Variants in SAMD5 observed in about 807,000 individuals in gnomAD.
The protein encoded by SAMD5 is sterile alpha motif domain-containing protein 5.
SAMD5 carries 13 observed loss-of-function variants against 11.3 expected under a neutral mutation model. The observed-to-expected ratio is 1.15, with a 90% CI of 0.75 to 1.83. The LOEUF (loss-of-function observed/expected upper bound fraction) is 1.83. SAMD5 is among the 40% of genes most tolerant of loss of function. The pLI, the probability that SAMD5 is intolerant of heterozygous loss-of-function variation, is 0.00. For synonymous variants in SAMD5, 129 were observed against 111.3 expected, an observed-to-expected ratio of 1.16 and a Z score of -1.00; for missense variants, 255 against 239.1, an observed-to-expected ratio of 1.07 and a Z score of -0.44.
chr6:147,886,529 G>A, the SAMD5 span, among the ~76,000 whole-genome samples: 1 of 151,944 alleles, frequency 6.6e-6, no homozygotes, highest in Non-Finnish European at 1.5e-5. Flanking sequence ...AGTGTGGGTG[G>A]GACCTGTGAC....
At chr6:147,579,902 C>T (rs556181467) in intron 1 of SAMD5, among the ~76,000 whole-genome samples, 1 of 152,158 alleles carries the variant, frequency 6.6e-6, no homozygotes, top group Non-Finnish European at 1.5e-5. Context: ...CTGTGCCAGG[C>T]GCTGTTGTAA....
At chr6:147,744,817 G>C in the SAMD5 span, among the ~76,000 whole-genome samples, 1 of 152,042 alleles carries the variant, frequency 6.6e-6, no homozygotes, top group Non-Finnish European at 1.5e-5. Flanking sequence ...AGAATCACTT[G>C]AACCTGGAAG....
the SAMD5 span, among the ~76,000 whole-genome samples, chr6:147,838,067 A>G: frequency 6.6e-6 from 1 of 152,162 alleles, no homozygotes; most frequent in Non-Finnish European, 1.5e-5. Flanking sequence ...TATATTGTTA[A>G]GTGTGTGTAT....
chr6:147,641,887 C>T (rs1232473898), intron 1 of SAMD5, among the ~76,000 whole-genome samples: 1 of 152,150 alleles, frequency 6.6e-6, no homozygotes, highest in Admixed American at 6.5e-5. Flanking sequence ...ATTTTCCCCT[C>T]AATTTATTTA....
At chr6:147,822,414 A>G in the SAMD5 span, among the ~76,000 whole-genome samples, 4 of 152,242 alleles carry the variant, frequency 2.6e-5, no homozygotes, top group Non-Finnish European at 5.9e-5. Flanking sequence ...ACCTCAAAAT[A>G]TAATATTTAT....
chr6:147,917,944 T>C, the SAMD5 span, among the ~76,000 whole-genome samples: 1 of 152,238 alleles, frequency 6.6e-6, no homozygotes, highest in Admixed American at 6.5e-5. Flanking sequence ...AGTACCATGC[T>C]GTTTTGGTTA....
the SAMD5 span, among the ~76,000 whole-genome samples, chr6:147,891,967 T>A: frequency 6.6e-6 from 1 of 152,176 alleles, no homozygotes; most frequent in Non-Finnish European, 1.5e-5. Context: ...CAAGAATTTG[T>A]CAGTGGGTCA....
chr6:147,831,627 C>T, the SAMD5 span, among the ~76,000 whole-genome samples: 1 of 152,170 alleles, frequency 6.6e-6, no homozygotes, highest in Non-Finnish European at 1.5e-5. Context: ...TTTAAAATAT[C>T]TTACAAGATC....
the SAMD5 span, among the ~76,000 whole-genome samples, chr6:147,896,755 A>AAAACAAAAAACAAAC: frequency 7.0e-6 from 1 of 142,424 alleles, no homozygotes; most frequent in African/African-American, 2.8e-5. Context: ...AAAAAAAAAA[A>AAAACAAAAAACAAAC]AAAAAAAACG....
downstream of SAMD5, among the ~76,000 whole-genome samples, chr6:147,739,459 G>A (rs9497856): frequency 0.029 from 4,453 of 152,162 alleles, 207 homozygotes; most frequent in African/African-American, 0.1. Flanking sequence ...TTAGCCAGGC[G>A]TAGTGGCATG....
At chr6:147,556,664 A>C (rs1419770921) in intron 1 of SAMD5, among the ~76,000 whole-genome samples, 2 of 152,222 alleles carry the variant, frequency 1.3e-5, no homozygotes, top group Non-Finnish European at 2.9e-5. Context: ...TATAGTTTTA[A>C]ATACATCAGA....
chr6:147,786,174 C>A, the SAMD5 span, among the ~76,000 whole-genome samples: 1 of 152,190 alleles, frequency 6.6e-6, no homozygotes, highest in Admixed American at 6.5e-5. Flanking sequence ...TTAACATATT[C>A]TCCCAGTGCC....
the SAMD5 span, among the ~76,000 whole-genome samples, chr6:147,750,490 T>C: frequency 6.6e-6 from 1 of 152,250 alleles, no homozygotes; most frequent in African/African-American, 2.4e-5. Context: ...CTGACTTTTC[T>C]TCCTCAGAGT....
intron 1 of SAMD5, among the ~76,000 whole-genome samples, chr6:147,651,234 A>G (rs931596532): frequency 6.6e-6 from 1 of 152,242 alleles, no homozygotes; most frequent in African/African-American, 2.4e-5. Context: ...TTGGCTAAAA[A>G]TAGCAAACGA....
At chr6:147,875,082 A>G in the SAMD5 span, among the ~76,000 whole-genome samples, 3 of 152,176 alleles carry the variant, frequency 2.0e-5, no homozygotes, top group African/African-American at 7.2e-5. Context: ...GTTGAATTTT[A>G]AAACTTCTTC....
At chr6:147,517,563 T>C (rs775254444) in intron 1 of SAMD5, among the ~76,000 whole-genome samples, 1 of 152,188 alleles carries the variant, frequency 6.6e-6, no homozygotes, top group Non-Finnish European at 1.5e-5. Context: ...ATAACAAAAC[T>C]GATTTTTTTA....
chr6:147,788,811 C>T, the SAMD5 span, among the ~76,000 whole-genome samples: 59 of 152,112 alleles, frequency 3.9e-4, no homozygotes, highest in African/African-American at 1.4e-3. Context: ...AGGACGGATG[C>T]GGTGGCTCAT....
chr6:147,553,986 T>C (rs181943898), intron 1 of SAMD5, among the ~76,000 whole-genome samples: 71 of 152,294 alleles, frequency 4.7e-4, no homozygotes, highest in African/African-American at 1.7e-3. Flanking sequence ...CACACTACTT[T>C]AAAGAACTGC....
chr6:147,740,077 C>CA (rs1791858879), downstream of SAMD5, among the ~76,000 whole-genome samples: 1 of 152,198 alleles, frequency 6.6e-6, no homozygotes, highest in Admixed American at 6.5e-5. Context: ...CTCAGCCTCC[C>CA]AAAGTGCTGG....
Sources: allele counts gnomAD v4.1 joint callset (sites outside exome capture counted in the v4.1 genomes callset), GRCh38; gene constraint gnomAD v4.1.1; transcripts MANE v1.5; gene names NCBI Gene and HGNC (gene_info 2026-07-23, HGNC 2026-07-21).